The following EPB41L5 variants were observed in gnomAD, a reference collection of about 807,000 sequenced individuals.
EPB41L5 encodes band 4.1-like protein 5.
EPB41L5 carries 55 observed loss-of-function variants against 106.6 expected under a neutral mutation model. The ratio of observed to expected loss-of-function variants is 0.52; its 90% CI spans 0.42 to 0.65. The LOEUF is 0.65. Among genes scored for constraint, EPB41L5 ranks in the 30% least tolerant of loss-of-function variants. EPB41L5 has a pLI of 0.00. For synonymous variants in EPB41L5, 297 were observed against 306.7 expected, an observed-to-expected ratio of 0.97 and a Z score of 0.33; for missense variants, 871 against 882.1, an observed-to-expected ratio of 0.99 and a Z score of 0.16.
intron 3 of EPB41L5, among the ~76,000 whole-genome samples, chr2:120,051,868 C>T (rs1016147702): frequency 6.6e-6 from 1 of 152,132 alleles, no homozygotes; most frequent in African/African-American, 2.4e-5. Flanking sequence ...GCTCTGTCAC[C>T]CAGGCTGGAG....
At chr2:120,106,252 A>C (rs999707928) in intron 16 of EPB41L5, 1 of 985,238 alleles carries the variant, frequency 1.0e-6, no homozygotes, top group Admixed American at 6.2e-5. Context: ...AGGCAGCGAT[A>C]GGGGTGAGGA....
intron 22 of EPB41L5, among the ~76,000 whole-genome samples, chr2:120,165,174 G>A (rs1687335844): frequency 2.0e-5 from 3 of 152,160 alleles, no homozygotes; most frequent in Admixed American, 2.0e-4. Flanking sequence ...TGGGGATAAA[G>A]CAGTTTCTTG....
In EPB41L5 at chr2:120,042,064, A is replaced by G; in HGVS notation, c.239A>G (p.Glu80Gly). The change falls in exon 3 of 25, where the codon GAA (glutamate) becomes GGA (glycine). Residue 80 changes from glutamate (E) to glycine (G), a missense_variant. Physicochemically the swap from Glu to Gly is moderately conservative, Grantham distance 98 (BLOSUM62 -2). Transcript: ENST00000263713. ...ATTATGTACCACCTGGACCTGATTG[A>G]AAGCGACTATTTTGGTCTGAGATTT... The part of the protein sequence containing the change: ...DQIMYHLDLI[E>G]SDYFGLRFMD... 6.2e-7 allele frequency: 1 copy of G among 1,613,744 alleles called. No homozygotes were observed. Among genetic ancestry groups the G allele is most frequent in the Non-Finnish European group, 8.5e-7 (1 of 1,179,708 alleles).
At chr2:120,160,213 TAAAAA>T (rs1041685151) in intron 20 of EPB41L5, among the ~76,000 whole-genome samples, 1 of 151,712 alleles carries the variant, frequency 6.6e-6, no homozygotes, top group Non-Finnish European at 1.5e-5. Flanking sequence ...CCTCTGAAGT[TAAAAA>T]AAAATTATAC....
intron 3 of EPB41L5, among the ~76,000 whole-genome samples, chr2:120,063,921 G>C (rs1681263846): frequency 6.6e-6 from 1 of 151,600 alleles, no homozygotes; most frequent in African/African-American, 2.4e-5. Flanking sequence ...CAGCCTGGGT[G>C]ACGAGAGTGA....
chr2:120,117,125 C>T (rs910159075), intron 16 of EPB41L5, among the ~76,000 whole-genome samples: 1 of 151,956 alleles, frequency 6.6e-6, no homozygotes, highest in Non-Finnish European at 1.5e-5. Context: ...TAGAAATTAC[C>T]ACTTCTTTAG....
Position 120,080,678 on chromosome 2 carries a change from G to A in EPB41L5, c.803+2097G>A, listed in dbSNP as rs1016868539. Among the ~76,000 whole-genome samples the A allele has an allele frequency of 9.9e-5, 15 of 152,240 alleles. No individual in the cohort carries two copies. The East Asian group carries it at 1.7e-3, about 18-fold the overall frequency. ...TCTAGTTCTAGATCCTTGAGGAATCGCCACACTGTCTTCCATAATGGTTGC... is the reference window on the plus strand; with the variant it reads ...TCTAGTTCTAGATCCTTGAGGAATCACCACACTGTCTTCCATAATGGTTGC... On this transcript the variant is annotated intron_variant, in intron 10 of 24. Coordinates refer to ENST00000263713, the MANE Select transcript of EPB41L5 (RefSeq NM_020909.4).
intron 16 of EPB41L5, among the ~76,000 whole-genome samples, chr2:120,110,062 T>C (rs1684650385): frequency 6.6e-6 from 1 of 152,222 alleles, no homozygotes; most frequent in Non-Finnish European, 1.5e-5. Flanking sequence ...TTTTAATCCA[T>C]ATAAAGGCTC....
intron 2 of EPB41L5, among the ~76,000 whole-genome samples, chr2:120,031,161 G>A (rs1040321476): frequency 7.9e-5 from 12 of 152,132 alleles, no homozygotes; most frequent in South Asian, 2.1e-4. Flanking sequence ...GAGCCACCAC[G>A]CCCAGCCCCA....
At chr2:120,133,388 G>A (rs1177879545) in intron 18 of EPB41L5, among the ~76,000 whole-genome samples, 4 of 152,086 alleles carry the variant, frequency 2.6e-5, no homozygotes, top group Non-Finnish European at 5.9e-5. Flanking sequence ...AATGGCTGAT[G>A]CCACCCCTCC....
At chr2:120,018,081 C>T (rs1677657194) in intron 1 of EPB41L5, among the ~76,000 whole-genome samples, 1 of 152,084 alleles carries the variant, frequency 6.6e-6, no homozygotes, top group African/African-American at 2.4e-5. Flanking sequence ...CCTGCCTCAG[C>T]CTCCCGGTAG....
At position 120,168,015 on chromosome 2, in the gene EPB41L5, A is replaced by G; in HGVS notation, c.2135+8A>G. 6.2e-7 allele frequency: 1 copy of G among 1,613,852 alleles called. No homozygotes were observed. The highest frequency in any genetic ancestry group is 8.5e-7 in the Non-Finnish European group (1 of 1,179,794). On this transcript the variant is annotated splice_region_variant and intron_variant, in intron 24 of 24. Transcript: ENST00000263713. ...GGTAGATGCTGTGACCAGGTGAGAA[A>G]ATTATTTCTCATTTGCAGTTCTTAG...
chr2:120,085,814 TC>T (rs2105352922), intron 10 of EPB41L5, among the ~76,000 whole-genome samples: 1 of 152,282 alleles, frequency 6.6e-6, no homozygotes, highest in African/African-American at 2.4e-5. Flanking sequence ...GTAACATGCT[TC>T]CTGGCCTAAG....
intron 16 of EPB41L5, among the ~76,000 whole-genome samples, chr2:120,119,055 G>A (rs950708937): frequency 3.3e-5 from 5 of 152,000 alleles, no homozygotes; most frequent in Non-Finnish European, 7.4e-5. Flanking sequence ...GTATCTCATT[G>A]TGGTTTTGAT....
intron 4 of EPB41L5, among the ~76,000 whole-genome samples, chr2:120,073,521 C>T (rs907675357): frequency 6.6e-6 from 1 of 152,150 alleles, no homozygotes; most frequent in Non-Finnish European, 1.5e-5. Flanking sequence ...TGGAATTTTC[C>T]TGTTTGGCAT....
At chr2:120,105,512 G>A (rs1684397620) in intron 16 of EPB41L5, 3 of 985,080 alleles carry the variant, frequency 3.0e-6, no homozygotes, top group South Asian at 4.7e-5. Context: ...ATACTGAATG[G>A]TTGGTTGCAG....
At chr2:120,147,618 C>T (rs1686465949) in intron 20 of EPB41L5, among the ~76,000 whole-genome samples, 1 of 115,924 alleles carries the variant, frequency 8.6e-6, no homozygotes, top group Admixed American at 1.0e-4. Context: ...GAGCGAAACT[C>T]TGTCTCAAAA....
chr2:120,075,449 T>G (rs1682163835), intron 5 of EPB41L5, 27 bp from the exon 6 acceptor site: 1 of 1,547,646 alleles, frequency 6.5e-7, no homozygotes, highest in South Asian at 1.1e-5. Context: ...GCTGTTGGGT[T>G]AAATTTGTGC....
chr2:120,120,589 C>G (rs1214248086), intron 16 of EPB41L5, among the ~76,000 whole-genome samples: 1 of 151,540 alleles, frequency 6.6e-6, no homozygotes, highest in South Asian at 2.1e-4. Flanking sequence ...TAAACAGGTG[C>G]TTTTTTTAAA....
Sources: gnomAD v4.1 joint callset for allele counts (sites outside exome capture counted in the v4.1 genomes callset) on GRCh38, gnomAD v4.1.1 for gene constraint, MANE v1.5 for transcripts, NCBI Gene and HGNC (gene_info 2026-07-23, HGNC 2026-07-21) for gene names.